The following NYAP2 variants were observed in gnomAD, a reference collection of about 807,000 sequenced individuals.
NYAP2 encodes the protein neuronal tyrosine-phosphorylated phosphoinositide-3-kinase adapter 2.
In NYAP2, 23 loss-of-function variants were observed where a neutral mutation model predicts 50.4. The ratio of observed to expected loss-of-function variants is 0.46; its 90% confidence interval spans 0.33 to 0.65. The LOEUF is 0.65. Ranked by LOEUF, NYAP2 falls within the 30% of genes least tolerant of loss-of-function variation. The pLI, the probability that NYAP2 is intolerant of heterozygous loss-of-function variation, is 0.02. For missense variants in NYAP2, 885 were observed against 861.0 expected, an observed-to-expected ratio of 1.03 and a Z score of -0.35; for synonymous variants, 394 against 365.2, an observed-to-expected ratio of 1.08 and a Z score of -0.90.
At chr2:225,488,123 T>C (rs1232165283) in intron 3 of NYAP2, among the ~76,000 whole-genome samples, 1 of 152,232 alleles carries the variant, frequency 6.6e-6, no homozygotes, top group East Asian at 1.9e-4. Context: ...GTATTTCCTT[T>C]GCATAATCCT....
intron 5 of NYAP2, among the ~76,000 whole-genome samples, chr2:225,591,031 TAA>T (rs2106235547): frequency 6.6e-6 from 1 of 152,282 alleles, no homozygotes; most frequent in Admixed American, 6.5e-5. Context: ...GGAAGAAACC[TAA>T]GACTGGCTGG....
rs149805683 is a variant in NYAP2 at position 225,476,759 on chromosome 2, A to G, written c.222-36612A>G. Among the ~76,000 whole-genome samples the G allele has an allele frequency of 2.3e-3, 357 of 152,324 alleles. 2 individuals carry two copies. The highest frequency in any genetic ancestry group is 8.1e-3 in the African/African-American group (337 of 41,578). On this transcript the variant is annotated intron_variant, in intron 3 of 6. Coordinates refer to ENST00000636099, the Ensembl canonical transcript of NYAP2. ...ATTGAAGAGATACATACATCATTATATAGCAATATGCCATACAGATACAAT... is the reference window on the plus strand; with the variant it reads ...ATTGAAGAGATACATACATCATTATGTAGCAATATGCCATACAGATACAAT...
At chr2:225,695,021 A>C in the NYAP2 span, among the ~76,000 whole-genome samples, 1 of 151,786 alleles carries the variant, frequency 6.6e-6, no homozygotes, top group Non-Finnish European at 1.5e-5. Flanking sequence ...TATTTAATGC[A>C]AAATAAAAAT....
At chr2:225,507,132 T>C (rs1690721274) in intron 3 of NYAP2, among the ~76,000 whole-genome samples, 1 of 152,186 alleles carries the variant, frequency 6.6e-6, no homozygotes, top group African/African-American at 2.4e-5. Flanking sequence ...CTTTATCTAC[T>C]TATCTATCAA....
chr2:225,513,662 G>C, exon 4 of NYAP2: 1 of 1,508,420 alleles, frequency 6.6e-7, no homozygotes, highest in Non-Finnish European at 8.9e-7. Context: ...AAACCCCTGA[G>C]AGGACTGAAG....
chr2:225,674,979 G>T, the NYAP2 span, among the ~76,000 whole-genome samples: 1 of 152,020 alleles, frequency 6.6e-6, no homozygotes, highest in South Asian at 2.1e-4. Flanking sequence ...GGAAAGAAAG[G>T]ATGAAATTCT....
chr2:225,619,471 C>T lies in NYAP2; in HGVS notation c.1619-7446C>T, dbSNP rs933179892. On this transcript the variant is annotated intron_variant, in intron 5 of 6. Transcript: ENST00000636099. ...AGGATTTATAAGAATCTTCAGTACT[C>T]GTTTGTTACTGAGTGAATCAATGTT... is the stretch of plus-strand genomic sequence containing the variant. Among the ~76,000 whole-genome samples the T allele has an allele frequency of 5.3e-5, 8 of 152,118 alleles. No homozygotes were observed. In the East Asian group the frequency reaches 1.2e-3, roughly 22 times the overall value.
At chr2:225,662,625 G>A in the NYAP2 span, among the ~76,000 whole-genome samples, 1 of 152,226 alleles carries the variant, frequency 6.6e-6, no homozygotes, top group African/African-American at 2.4e-5. Context: ...ATCCCTAGTT[G>A]TCAGCTATTT....
intron 3 of NYAP2, among the ~76,000 whole-genome samples, chr2:225,414,108 A>G (rs922933441): frequency 1.3e-5 from 2 of 152,210 alleles, no homozygotes; most frequent in Admixed American, 6.6e-5. Context: ...TAAGTCACTT[A>G]GGCTTTCTGA....
intron 5 of NYAP2, among the ~76,000 whole-genome samples, chr2:225,610,948 A>T (rs2106247140): frequency 6.6e-6 from 1 of 152,328 alleles, no homozygotes; most frequent in South Asian, 2.1e-4. Flanking sequence ...TGTTAAGAAC[A>T]TCTATACTCC....
chr2:225,604,395 A>T (rs1018578754), intron 5 of NYAP2, among the ~76,000 whole-genome samples: 1 of 152,096 alleles, frequency 6.6e-6, no homozygotes, highest in Non-Finnish European at 1.5e-5. Context: ...GGGGCTCAAT[A>T]ACTATTTGCT....
chr2:225,644,581 C>T (rs559084944), intron 6 of NYAP2, among the ~76,000 whole-genome samples: 39 of 150,128 alleles, frequency 2.6e-4, no homozygotes, highest in South Asian at 2.6e-3. Context: ...TTAGGTCTAA[C>T]GTTTAAGTCT....
intron 3 of NYAP2, among the ~76,000 whole-genome samples, chr2:225,471,476 G>A (rs1344658137): frequency 6.6e-6 from 1 of 152,102 alleles, no homozygotes. Flanking sequence ...TGAGGCACAG[G>A]TATATTTAAA....
chr2:225,518,601 T>G (rs1690984676), intron 4 of NYAP2, among the ~76,000 whole-genome samples: 1 of 141,130 alleles, frequency 7.1e-6, no homozygotes, highest in African/African-American at 2.6e-5. Context: ...TATATATATA[T>G]ATATTAGCTT....
chr2:225,588,905 T>C (rs1254110099), intron 5 of NYAP2, among the ~76,000 whole-genome samples: 1 of 152,220 alleles, frequency 6.6e-6, no homozygotes, highest in Non-Finnish European at 1.5e-5. Flanking sequence ...CAGGGTCTAT[T>C]TGAGATTGTA....
intron 3 of NYAP2, among the ~76,000 whole-genome samples, chr2:225,470,658 T>TA (rs1689998160): frequency 6.6e-6 from 1 of 152,194 alleles, no homozygotes; most frequent in Non-Finnish European, 1.5e-5. Context: ...TACAGTGTTC[T>TA]AAAGTGTGAA....
At chr2:225,545,472 ACT>A (rs1691563233) in intron 4 of NYAP2, among the ~76,000 whole-genome samples, 1 of 151,622 alleles carries the variant, frequency 6.6e-6, no homozygotes, top group African/African-American at 2.4e-5. Context: ...CTATTAAGTG[ACT>A]CTGATACATT....
intron 5 of NYAP2, among the ~76,000 whole-genome samples, chr2:225,602,295 G>A (rs1692705668): frequency 6.6e-6 from 1 of 152,178 alleles, no homozygotes; most frequent in Non-Finnish European, 1.5e-5. Flanking sequence ...GTCAATTACG[G>A]AGAGGTAGGC....
intron 5 of NYAP2, among the ~76,000 whole-genome samples, chr2:225,592,090 A>G (rs1472059918): frequency 6.6e-6 from 1 of 152,194 alleles, no homozygotes; most frequent in African/African-American, 2.4e-5. Context: ...GCCTCTAAGC[A>G]TAACTTAAGG....
Sources: allele counts gnomAD v4.1 joint callset (sites outside exome capture counted in the v4.1 genomes callset), GRCh38; gene constraint gnomAD v4.1.1; transcripts MANE v1.5; gene names NCBI Gene and HGNC (gene_info 2026-07-23, HGNC 2026-07-21).